PHACTR1: variants seen among roughly 807,000 people sequenced by gnomAD.
PHACTR1 encodes the protein phosphatase and actin regulator 1.
In PHACTR1, 16 loss-of-function variants were observed where a neutral mutation model predicts 69.2. The ratio of observed to expected loss-of-function variants is 0.23; its 90% CI spans 0.16 to 0.35. The LOEUF is 0.35. PHACTR1 is among the 10% of genes least tolerant of loss of function. The pLI is 1.00. For missense variants in PHACTR1, 510 were observed against 734.7 expected (o/e 0.69, Z 3.54); for synonymous variants, 312 against 284.5 (o/e 1.10, Z -0.97).
chr6:13,182,460 C>A, intron 6 of PHACTR1, 59 bp from the exon 7 acceptor site: 1 of 1,573,830 alleles, frequency 6.4e-7, no homozygotes, highest in Non-Finnish European at 8.7e-7. Flanking sequence ...CGGGAAGTGC[C>A]ACTCTTTCTT....
intron 8 of PHACTR1, among the ~76,000 whole-genome samples, chr6:13,213,296 C>T (rs1464177323): frequency 6.6e-6 from 1 of 151,942 alleles, no homozygotes; most frequent in African/African-American, 2.4e-5. Context: ...TGAACTGTTC[C>T]CTCTGTTTGG....
chr6:12,846,251 C>T (rs1354848330), intron 4 of PHACTR1, among the ~76,000 whole-genome samples: 1 of 152,126 alleles, frequency 6.6e-6, no homozygotes, highest in South Asian at 2.1e-4. Flanking sequence ...CAATAGTTAT[C>T]AATGAATGGA....
At position 13,017,595 on chromosome 6, in the gene PHACTR1, A is replaced by G. The variant is rs180954957; in HGVS notation, c.251-35770A>G. 1.3e-3 allele frequency among the ~76,000 whole-genome samples: 192 copies of G among 152,350 alleles called. No homozygotes were observed. In the Middle Eastern group the frequency reaches 0.014, roughly 11 times the overall value. ...TTATATTAAAAGTTAATAGGAGCAT[A>G]TGATTTAATTTACAAATAGTTAAAA... On this transcript the variant is annotated intron_variant, in intron 4 of 14. Coordinates refer to ENST00000332995, the MANE Select transcript of PHACTR1 (RefSeq NM_030948.6).
chr6:13,000,326 T>A (rs1470001725), intron 4 of PHACTR1, among the ~76,000 whole-genome samples: 5 of 152,076 alleles, frequency 3.3e-5, no homozygotes, highest in Non-Finnish European at 7.4e-5. Flanking sequence ...GGCCAGAGGA[T>A]CCCTTGAGCC....
At chr6:12,749,358 T>G in intron 3 of PHACTR1, 1 of 499,186 alleles carries the variant, frequency 2.0e-6, no homozygotes, top group Non-Finnish European at 3.9e-6. Flanking sequence ...GGGAGAGGAG[T>G]CTGGGGGAGC....
chr6:12,896,877 G>A (rs1582356203), intron 4 of PHACTR1, among the ~76,000 whole-genome samples: 1 of 152,132 alleles, frequency 6.6e-6, no homozygotes, highest in Non-Finnish European at 1.5e-5. Flanking sequence ...GGAAAGGTCA[G>A]TTATCTCCAA....
chr6:12,830,788 G>A (rs1209664187), intron 4 of PHACTR1, among the ~76,000 whole-genome samples: 2 of 151,658 alleles, frequency 1.3e-5, no homozygotes, highest in Non-Finnish European at 2.9e-5. Flanking sequence ...TAGAAATGGG[G>A]TTTCATCATG....
At chr6:13,269,547 T>G (rs1441291521) in intron 10 of PHACTR1, among the ~76,000 whole-genome samples, 1 of 152,170 alleles carries the variant, frequency 6.6e-6, no homozygotes, top group Non-Finnish European at 1.5e-5. Flanking sequence ...AAAACAAACT[T>G]TGACTGGGAG....
intron 4 of PHACTR1, among the ~76,000 whole-genome samples, chr6:12,996,386 G>C (rs1490148984): frequency 4.6e-5 from 7 of 152,096 alleles, no homozygotes; most frequent in East Asian, 1.9e-4. Flanking sequence ...GAAGGACACA[G>C]TTAACAGATA....
At chr6:12,957,101 G>T (rs1266706449) in intron 4 of PHACTR1, among the ~76,000 whole-genome samples, 5 of 148,836 alleles carry the variant, frequency 3.4e-5, no homozygotes, top group Non-Finnish European at 6.0e-5. Context: ...ATGCTGGGGG[G>T]TGGGGGAAAG....
chr6:12,718,339 C>T (rs1486710182), intron 2 of PHACTR1: 1 of 152,408 alleles, frequency 6.6e-6, no homozygotes, highest in Non-Finnish European at 1.5e-5. Flanking sequence ...CTCACAACGG[C>T]TGACACTTAA....
intron 4 of PHACTR1, among the ~76,000 whole-genome samples, chr6:13,006,774 G>A (rs937735667): frequency 1.3e-5 from 2 of 152,140 alleles, no homozygotes; most frequent in Admixed American, 6.5e-5. Flanking sequence ...ACAAGTTCAT[G>A]TCTCATAGTA....
At chr6:12,906,707 A>T (rs1001609536) in intron 4 of PHACTR1, among the ~76,000 whole-genome samples, 85 of 152,154 alleles carry the variant, frequency 5.6e-4, no homozygotes, top group African/African-American at 1.9e-3. Flanking sequence ...TTCTAGCAGG[A>T]TCTTTCTACA....
At chr6:12,883,849 T>G (rs1783356404) in intron 4 of PHACTR1, among the ~76,000 whole-genome samples, 1 of 152,196 alleles carries the variant, frequency 6.6e-6, no homozygotes, top group East Asian at 1.9e-4. Context: ...ACCAGTCCTT[T>G]GGCCTTACTA....
chr6:13,009,059 G>A (rs1020346292), intron 4 of PHACTR1, among the ~76,000 whole-genome samples: 9 of 152,262 alleles, frequency 5.9e-5, no homozygotes, highest in Non-Finnish European at 1.2e-4. Context: ...TGGCAGCAGT[G>A]TCACTCCCAT....
At chr6:12,958,097 G>A in intron 4 of PHACTR1, 1 of 882,140 alleles carries the variant, frequency 1.1e-6, no homozygotes, top group Non-Finnish European at 1.4e-6. Flanking sequence ...GATGGATTTT[G>A]TATTGGTTTT....
intron 4 of PHACTR1, among the ~76,000 whole-genome samples, chr6:12,985,838 A>AT (rs143286319): frequency 0.023 from 3,309 of 145,022 alleles, 74 homozygotes; most frequent in African/African-American, 0.058. Flanking sequence ...AAACATGCTA[A>AT]TTTTTTTTTT....
At chr6:13,233,904 G>C (rs1204108332) in intron 10 of PHACTR1, among the ~76,000 whole-genome samples, 1 of 152,170 alleles carries the variant, frequency 6.6e-6, no homozygotes, top group African/African-American at 2.4e-5. Context: ...CTTTCTTTGT[G>C]GTAAGACCCT....
At chr6:12,862,198 C>T (rs1209412087) in intron 4 of PHACTR1, among the ~76,000 whole-genome samples, 1 of 152,128 alleles carries the variant, frequency 6.6e-6, no homozygotes, top group African/African-American at 2.4e-5. Flanking sequence ...GTAAAGCAGC[C>T]AACCTCAATA....
Sources: allele counts gnomAD v4.1 joint callset (sites outside exome capture counted in the v4.1 genomes callset), GRCh38; gene constraint gnomAD v4.1.1; transcripts MANE v1.5; gene names NCBI Gene and HGNC (gene_info 2026-07-23, HGNC 2026-07-21).